FMO3: variants seen among roughly 807,000 people sequenced by gnomAD.
The protein encoded by FMO3 is flavin-containing monooxygenase 3.
In FMO3, 40 loss-of-function variants were observed where a neutral mutation model predicts 39.4. The ratio of observed to expected loss-of-function variants is 1.02; its 90% CI spans 0.79 to 1.32. FMO3 has a LOEUF of 1.32. Among genes scored for constraint, FMO3 ranks in the 40% most tolerant of loss-of-function variants. The probability of loss-of-function intolerance (pLI) is 0.00; values close to 1 mark genes in which losing one functional copy is unlikely to be tolerated. For synonymous variants in FMO3, 219 were observed against 228.8 expected, an observed-to-expected ratio of 0.96 and a Z score of 0.39; for missense variants, 680 against 651.8, an observed-to-expected ratio of 1.04 and a Z score of -0.47.
chr1:171,104,930 CA>C (rs1379485921), intron 3 of FMO3, among the ~76,000 whole-genome samples: 3 of 151,742 alleles, frequency 2.0e-5, no homozygotes, highest in African/African-American at 7.3e-5. Flanking sequence ...AAAAAATAAT[CA>C]AAGGCACAAA....
In FMO3 at chr1:171,094,180, T is replaced by C. The variant is rs550136973; in HGVS notation, c.132+1390T>C. ...CTGACTGGTGTAAGATAGTATTTTATTGCGGTTTTAATTTGCATTTTCTCT... is the reference window on the plus strand; with the variant it reads ...CTGACTGGTGTAAGATAGTATTTTACTGCGGTTTTAATTTGCATTTTCTCT... On this transcript the variant is annotated intron_variant, in intron 2 of 8. Transcript: ENST00000367755. Among the ~76,000 whole-genome samples the C allele has an allele frequency of 9.9e-5, 15 of 152,244 alleles. No individual in the cohort carries two copies. The East Asian group carries it at 2.7e-3, about 27-fold the overall frequency.
At position 171,094,183 on chromosome 1, in the gene FMO3, C is replaced by T. The variant is rs985104608; in HGVS notation, c.132+1393C>T. On this transcript the variant is annotated intron_variant, in intron 2 of 8. Transcript: ENST00000367755. ...ACTGGTGTAAGATAGTATTTTATTG[C>T]GGTTTTAATTTGCATTTTCTCTGGT... 7.9e-5 allele frequency among the ~76,000 whole-genome samples: 12 copies of T among 152,028 alleles called. 1 individual carries two copies. Among genetic ancestry groups the T allele is most frequent in the African/African-American group, 1.9e-4 (8 of 41,484 alleles).
At position 171,107,740 on chromosome 1, in the gene FMO3, T is replaced by C. The variant is rs201646858; in HGVS notation, c.387T>C (p.Thr129=). 1.2e-6 allele frequency: 2 copies of C among 1,613,302 alleles called. No homozygotes were observed. Among genetic ancestry groups the C allele is most frequent in the Admixed American group, 1.7e-5 (1 of 59,972 alleles). The change falls in exon 4 of 9, where the codon ACT becomes ACC. Residue 129 remains threonine, a synonymous_variant. Transcript: ENST00000367755. ...FATTGQWDVT[T]ERDGKKESAV... ...CTACTGGCCAGTGGGATGTTACCAC[T>C]GAAAGGGATGGTAAAAAAGAATCGG... is the stretch of plus-strand genomic sequence containing the variant.
rs764845113 is a variant in FMO3, at chr1:171,108,253, G to A, written c.627+32G>A. The A allele has an allele frequency of 4.2e-5, 68 of 1,612,132 alleles. No individual in the cohort carries two copies. The Middle Eastern group carries it at 4.9e-4, about 12-fold the overall frequency. ...CTCCCCGGGTACTCGGGTGACTCTC[G>A]TTACTGACAGAAGAGTTATTATCGT... On this transcript the variant is annotated intron_variant, in intron 5 of 8. Coordinates refer to ENST00000367755, the MANE Select transcript of FMO3 (RefSeq NM_001002294.3).
At chr1:171,107,894 A>G (rs1313269095) in intron 4 of FMO3, 57 bp downstream of exon 4, 3 of 1,543,144 alleles carry the variant, frequency 1.9e-6, no homozygotes, top group East Asian at 4.5e-5. Context: ...ATATCTTGAT[A>G]ATGTCTTCTT....
chr1:171,104,169 T>A (rs1276826576), intron 3 of FMO3, among the ~76,000 whole-genome samples, 196 bp downstream of exon 3: 3 of 152,170 alleles, frequency 2.0e-5, no homozygotes, highest in Non-Finnish European at 2.9e-5. Context: ...TTTGACCACC[T>A]ACAGTTCTTA....
At position 171,117,158 on chromosome 1, in the gene FMO3, T is replaced by C; in HGVS notation, c.1315T>C (p.Ser439Pro). The C allele has an allele frequency of 1.2e-6, 2 of 1,614,178 alleles. No homozygotes were observed. The highest frequency in any genetic ancestry group is 8.5e-7 in the Non-Finnish European group (1 of 1,179,990). The change falls in exon 9 of 9, where the codon TCC (serine) becomes CCC (proline). Residue 439 changes from serine to proline, a missense_variant. Ser to Pro is a moderately conservative substitution (Grantham distance 74, BLOSUM62 -1). Coordinates refer to ENST00000367755, the MANE Select transcript of FMO3 (RefSeq NM_001002294.3). ...CATTGTTTATATGGATGAACTCTCC[T>C]CCTTCATTGGGGCAAAGCCCAACAT... is the stretch of plus-strand genomic sequence containing the variant. The part of the protein sequence containing the change: ...DYIVYMDELS[S>P]FIGAKPNIPW...
intron 7 of FMO3, among the ~76,000 whole-genome samples, chr1:171,115,027 A>T (rs1656081516): frequency 6.6e-6 from 1 of 152,210 alleles, no homozygotes; most frequent in Non-Finnish European, 1.5e-5. Flanking sequence ...GGCAGGCAGC[A>T]TCCCCCAGCA....
intron 2 of FMO3, among the ~76,000 whole-genome samples, chr1:171,097,204 G>T (rs201768067): frequency 0.017 from 2,273 of 134,008 alleles, no homozygotes; most frequent in East Asian, 0.08. Context: ...TGGACATTTG[G>T]GTTGGTTCCA....
intron 1 of FMO3, among the ~76,000 whole-genome samples, chr1:171,092,038 T>C (rs546711432): frequency 6.6e-6 from 1 of 152,202 alleles, no homozygotes; most frequent in African/African-American, 2.4e-5. Flanking sequence ...TTCTTCTGCT[T>C]ACTCTTTTTG....
chr1:171,115,568 T>C (rs977348739), intron 7 of FMO3, among the ~76,000 whole-genome samples: 2 of 152,210 alleles, frequency 1.3e-5, no homozygotes, highest in African/African-American at 4.8e-5. Flanking sequence ...TCTTTCAAGT[T>C]GATACCAAGA....
chr1:171,098,042 T>C (rs946547485), intron 2 of FMO3, among the ~76,000 whole-genome samples: 1 of 152,222 alleles, frequency 6.6e-6, no homozygotes, highest in African/African-American at 2.4e-5. Flanking sequence ...ATTTGTTAAA[T>C]AGGGCATCCT....
intron 2 of FMO3, among the ~76,000 whole-genome samples, chr1:171,096,235 A>AG: frequency 2.1e-5 from 1 of 46,996 alleles, no homozygotes; most frequent in Admixed American, 3.8e-4. Flanking sequence ...CATAAAATAT[A>AG]TTATTTCATA....
rs1656195641 is a variant in FMO3 at position 171,117,182 on chromosome 1, A to G, written c.1339A>G (p.Ile447Val). ...CTCCTTCATTGGGGCAAAGCCCAACATCCCATGGCTGTTTCTCACAGATCC... is the reference window on the plus strand; with the variant it reads ...CTCCTTCATTGGGGCAAAGCCCAACGTCCCATGGCTGTTTCTCACAGATCC... The part of the protein sequence containing the change: ...LSSFIGAKPN[I>V]PWLFLTDPKL... Residue 447 changes from isoleucine to valine, a missense_variant, in exon 9 of 9, where the codon ATC becomes GTC. Physicochemically the swap from Ile to Val is conservative, Grantham distance 29. Transcript: ENST00000367755. The G allele has an allele frequency of 6.2e-7, 1 of 1,614,182 alleles. No homozygotes were observed. The highest frequency in any genetic ancestry group is 1.1e-5 in the South Asian group (1 of 91,092).
Position 171,092,689 on chromosome 1 carries a change from G to GGT in FMO3, c.35_36dup (p.Ser13Ter). On this transcript the variant is annotated frameshift_variant, in exon 2 of 9. Coordinates refer to ENST00000367755, the MANE Select transcript of FMO3 (RefSeq NM_001002294.3). LOFTEE classifies it high-confidence loss of function. Reference sequence around the variant, plus strand: ...GAAGAAAGTGGCCATCATTGGAGCTGGTGTGAGTGGCTTGGCCTCCATCAG... The same window carrying GGT: ...GAAGAAAGTGGCCATCATTGGAGCTGGTGTGTGAGTGGCTTGGCCTCCATCAG... The GGT allele has an allele frequency of 6.2e-7, 1 of 1,614,184 alleles. No homozygotes were observed. The highest frequency in any genetic ancestry group is 2.2e-5 in the East Asian group (1 of 44,886).
intron 7 of FMO3, among the ~76,000 whole-genome samples, 197 bp downstream of exon 7, chr1:171,114,559 T>C (rs531835715): frequency 6.6e-6 from 1 of 152,308 alleles, no homozygotes; most frequent in African/African-American, 2.4e-5. Flanking sequence ...TACTACAAGA[T>C]ATTATTAGAG....
Position 171,105,966 on chromosome 1 carries a change from CA to C in FMO3, c.322-1705del, listed in dbSNP as rs202117588. Among the ~76,000 whole-genome samples the C allele has an allele frequency of 6.6e-4, 101 of 151,940 alleles. 1 individual carries two copies. The East Asian group carries it at 0.018, about 27-fold the overall frequency. On this transcript the variant is annotated intron_variant, in intron 3 of 8. Transcript: ENST00000367755. ...TGTTCAATATAGTAGCCACTAGTCA[CA>C]AAACTGAGATGTGCTATAAGTATAA...
chr1:171,108,504 T>C (rs1017412156), intron 5 of FMO3, among the ~76,000 whole-genome samples: 3 of 152,096 alleles, frequency 2.0e-5, no homozygotes, highest in African/African-American at 7.2e-5. Flanking sequence ...CTAGCACAGA[T>C]TTAGGGTGAA....
At chr1:171,096,541 ACATAC>A (rs1655075847) in intron 2 of FMO3, among the ~76,000 whole-genome samples, 5 of 66,744 alleles carry the variant, frequency 7.5e-5, no homozygotes, top group Non-Finnish European at 1.4e-4. Context: ...TATATTAAAT[ACATAC>A]TATACTTTAT....
Sources: allele counts gnomAD v4.1 joint callset (sites outside exome capture counted in the v4.1 genomes callset), GRCh38; gene constraint gnomAD v4.1.1; transcripts MANE v1.5; gene names NCBI Gene and HGNC (gene_info 2026-07-23, HGNC 2026-07-21).